CHST11: variants seen among roughly 807,000 people sequenced by gnomAD.
CHST11 encodes the protein C4S-1.
Under a neutral mutation model 30.4 loss-of-function variants are expected in CHST11, and 9 were observed. That is an observed-to-expected ratio of 0.30 (90% confidence interval 0.18 to 0.52). The LOEUF is 0.52. CHST11 is among the 20% of genes least tolerant of loss of function. The pLI is 0.97. For missense variants in CHST11, 348 were observed against 460.6 expected (o/e 0.76, Z 2.24); for synonymous variants, 152 against 187.8 (o/e 0.81, Z 1.56).
intron 1 of CHST11, among the ~76,000 whole-genome samples, chr12:104,578,690 G>A (rs1007264913): frequency 6.6e-5 from 10 of 152,208 alleles, no homozygotes; most frequent in Non-Finnish European, 1.0e-4. Flanking sequence ...TGATTCACAT[G>A]TAAGCCATGG....
At chr12:104,739,147 G>A (rs535662854) in intron 2 of CHST11, among the ~76,000 whole-genome samples, 3 of 152,334 alleles carry the variant, frequency 2.0e-5, no homozygotes, top group South Asian at 2.1e-4. Flanking sequence ...TAGTGGGTGC[G>A]GGCAAGAGCA....
intron 2 of CHST11, among the ~76,000 whole-genome samples, chr12:104,610,732 G>A (rs947482381): frequency 1.1e-4 from 16 of 152,134 alleles, no homozygotes; most frequent in Non-Finnish European, 1.8e-4. Context: ...AGAGGGTGGC[G>A]GCAGCATGCA....
chr12:104,520,298 T>C (rs946294708), intron 1 of CHST11, among the ~76,000 whole-genome samples: 30 of 152,142 alleles, frequency 2.0e-4, no homozygotes, highest in African/African-American at 7.2e-4. Context: ...CATAAGCTAA[T>C]GGAGAAGTAA....
chr12:104,649,590 G>A lies in CHST11; in HGVS notation c.204+47599G>A, dbSNP rs539370071. Among the ~76,000 whole-genome samples, 36 of 152,292 alleles carry A rather than the reference G, an allele frequency of 2.4e-4. No homozygotes were observed. In the South Asian group the frequency reaches 6.2e-3, roughly 26 times the overall value. ...TAGACCAACCTAAGGGGGAGTAGGC[G>A]AACCAATGTGGTTTCTGTATGAAGC... is the stretch of plus-strand genomic sequence containing the variant. On this transcript the variant is annotated intron_variant, in intron 2 of 2. Coordinates refer to ENST00000303694, the MANE Select transcript of CHST11 (RefSeq NM_018413.6).
chr12:104,557,193 G>C (rs567730284), intron 1 of CHST11, among the ~76,000 whole-genome samples: 2 of 152,246 alleles, frequency 1.3e-5, no homozygotes, highest in Non-Finnish European at 2.9e-5. Context: ...ACAACAGTGG[G>C]GATGTCTGTA....
chr12:104,690,328 C>A (rs2136107121), intron 2 of CHST11, among the ~76,000 whole-genome samples: 1 of 152,342 alleles, frequency 6.6e-6, no homozygotes, highest in East Asian at 1.9e-4. Context: ...TCTGTGCATT[C>A]TGAAGTTTGA....
At chr12:104,596,798 A>C (rs1490428669) in intron 1 of CHST11, among the ~76,000 whole-genome samples, 2 of 152,140 alleles carry the variant, frequency 1.3e-5, no homozygotes, top group African/African-American at 2.4e-5. Context: ...ATTTTGTGAG[A>C]TATGACTTCC....
At chr12:104,691,734 C>T (rs1023834568) in intron 2 of CHST11, among the ~76,000 whole-genome samples, 25 of 152,132 alleles carry the variant, frequency 1.6e-4, no homozygotes, top group Admixed American at 2.0e-4. Flanking sequence ...ATGATCCGCC[C>T]GCCTCAGCCT....
At chr12:104,716,672 C>T (rs1033901512) in intron 2 of CHST11, among the ~76,000 whole-genome samples, 9 of 152,202 alleles carry the variant, frequency 5.9e-5, no homozygotes, top group Non-Finnish European at 8.8e-5. Flanking sequence ...CAAACACATA[C>T]GTGATCGCTC....
intron 1 of CHST11, among the ~76,000 whole-genome samples, chr12:104,459,323 G>C (rs574986395): frequency 6.6e-6 from 1 of 152,256 alleles, no homozygotes; most frequent in South Asian, 2.1e-4. Context: ...ACCCCAGAGC[G>C]CCAGGGGACT....
chr12:104,498,897 T>C (rs2037826325), intron 1 of CHST11, among the ~76,000 whole-genome samples: 1 of 152,228 alleles, frequency 6.6e-6, no homozygotes, highest in Non-Finnish European at 1.5e-5. Context: ...TTATATGCTT[T>C]TCCAGAAGAA....
chr12:104,482,520 ATTTTGGCTTTT>A (rs1593960459), intron 1 of CHST11, among the ~76,000 whole-genome samples: 2 of 151,948 alleles, frequency 1.3e-5, no homozygotes, highest in Admixed American at 1.3e-4. Context: ...CCTCAGTGTC[ATTTTGGCTTTT>A]CCCACAGAGG....
intron 2 of CHST11, among the ~76,000 whole-genome samples, chr12:104,696,647 CAG>C (rs1163147641): frequency 1.3e-5 from 2 of 152,180 alleles, no homozygotes; most frequent in Admixed American, 6.5e-5. Context: ...GCCTGAGCAA[CAG>C]AGTGAGACTC....
chr12:104,509,546 A>G lies in CHST11; in HGVS notation c.118+52017A>G, dbSNP rs147152239. ...AACATCTAAGAGAAGGATTTGGCAT[A>G]TAATAGATGCTCAATTTATACCTGT... On this transcript the variant is annotated intron_variant, in intron 1 of 2. Transcript: ENST00000303694. Among the ~76,000 whole-genome samples, 156 of 152,340 alleles carry G rather than the reference A, an allele frequency of 1.0e-3. No homozygotes were observed. In the East Asian group the frequency reaches 0.027, roughly 26 times the overall value.
At chr12:104,510,877 G>T (rs1218132583) in intron 1 of CHST11, among the ~76,000 whole-genome samples, 2 of 151,596 alleles carry the variant, frequency 1.3e-5, no homozygotes, top group Non-Finnish European at 2.9e-5. Context: ...TTGATAGCTT[G>T]TACTTTGAGG....
At chr12:104,643,813 T>C (rs2039400692) in intron 2 of CHST11, among the ~76,000 whole-genome samples, 1 of 152,162 alleles carries the variant, frequency 6.6e-6, no homozygotes, top group Admixed American at 6.5e-5. Context: ...TTCCAGCTCC[T>C]GGAAAGCCAA....
At chr12:104,577,796 G>T (rs1704879) in intron 1 of CHST11, among the ~76,000 whole-genome samples, 41,986 of 152,048 alleles carry the variant, frequency 0.28, 6,002 homozygotes, top group Middle Eastern at 0.38. Flanking sequence ...ACTCAAGACC[G>T]ATCTGGTTGA....
At chr12:104,537,690 C>T (rs1165550740) in intron 1 of CHST11, among the ~76,000 whole-genome samples, 1 of 146,566 alleles carries the variant, frequency 6.8e-6, no homozygotes, top group Admixed American at 6.9e-5. Flanking sequence ...CAGTACCTCC[C>T]TGCTTTTTTT....
At chr12:104,666,849 G>A (rs937811763) in intron 2 of CHST11, among the ~76,000 whole-genome samples, 11 of 152,046 alleles carry the variant, frequency 7.2e-5, no homozygotes, top group Admixed American at 1.3e-4. Flanking sequence ...TACCGTGTGC[G>A]GTGGGGTCTG....
Sources: gnomAD v4.1 joint callset for allele counts (sites outside exome capture counted in the v4.1 genomes callset) on GRCh38, gnomAD v4.1.1 for gene constraint, MANE v1.5 for transcripts, NCBI Gene and HGNC (gene_info 2026-07-23, HGNC 2026-07-21) for gene names.